AUTS2: variants seen among roughly 807,000 people sequenced by gnomAD.
The protein encoded by AUTS2 is activator of transcription and developmental regulator AUTS2, also known as autism susceptibility gene 2 protein.
AUTS2 carries 17 observed loss-of-function variants against 112.4 expected under a neutral mutation model. The ratio of observed to expected loss-of-function variants is 0.15; its 90% CI spans 0.10 to 0.23. The LOEUF is 0.23. Ranked by LOEUF, AUTS2 falls within the 10% of genes least tolerant of loss-of-function variation. The pLI is 1.00. For missense variants in AUTS2, 1,510 were observed against 1,701.6 expected, an observed-to-expected ratio of 0.89 and a Z score of 1.98; for synonymous variants, 751 against 702.7, an observed-to-expected ratio of 1.07 and a Z score of -1.09.
intron 4 of AUTS2, among the ~76,000 whole-genome samples, chr7:70,257,712 C>A (rs866797294): frequency 4.6e-5 from 7 of 151,694 alleles, no homozygotes; most frequent in Non-Finnish European, 7.4e-5. Context: ...CCCACCTTGG[C>A]CTCTCAAAGT....
intron 4 of AUTS2, among the ~76,000 whole-genome samples, chr7:70,241,803 T>C (rs565715881): frequency 3.3e-5 from 5 of 152,176 alleles, no homozygotes; most frequent in Non-Finnish European, 5.9e-5. Flanking sequence ...GCAATGTTGC[T>C]CTCTGAAAAA....
chr7:69,873,132 C>G (rs746872543), intron 1 of AUTS2, among the ~76,000 whole-genome samples: 19 of 152,088 alleles, frequency 1.2e-4, no homozygotes, highest in Non-Finnish European at 2.6e-4. Flanking sequence ...TAAAGAGACT[C>G]TCTTCTAATC....
intron 6 of AUTS2, among the ~76,000 whole-genome samples, chr7:70,724,172 G>A (rs968263265): frequency 2.0e-5 from 3 of 152,290 alleles, no homozygotes; most frequent in Admixed American, 1.3e-4. Flanking sequence ...GATTACAGGC[G>A]TGAGCCACCC....
intron 4 of AUTS2, among the ~76,000 whole-genome samples, chr7:70,253,504 A>G (rs1786707566): frequency 6.6e-6 from 1 of 152,036 alleles, no homozygotes; most frequent in Non-Finnish European, 1.5e-5. Flanking sequence ...TTTACTGTGA[A>G]TTGCTTATTT....
At chr7:70,663,161 G>A (rs985423845) in intron 5 of AUTS2, among the ~76,000 whole-genome samples, 4 of 152,186 alleles carry the variant, frequency 2.6e-5, no homozygotes, top group African/African-American at 4.8e-5. Context: ...TTGGGAGGCC[G>A]AGGCAGGCGG....
chr7:70,452,888 G>A (rs540747557), intron 5 of AUTS2, among the ~76,000 whole-genome samples: 32 of 152,214 alleles, frequency 2.1e-4, no homozygotes, highest in Middle Eastern at 3.4e-3. Context: ...CTCCACCTAA[G>A]CTCTGGTTTT....
intron 2 of AUTS2, among the ~76,000 whole-genome samples, chr7:70,096,001 G>T (rs187754422): frequency 6.6e-6 from 1 of 152,222 alleles, no homozygotes; most frequent in Non-Finnish European, 1.5e-5. Flanking sequence ...TAAGGATATT[G>T]TTATAACTTC....
intron 6 of AUTS2, among the ~76,000 whole-genome samples, chr7:70,760,505 T>A (rs1789503715): frequency 6.6e-6 from 1 of 152,224 alleles, no homozygotes; most frequent in African/African-American, 2.4e-5. Context: ...GGATCATGCA[T>A]ATGAAGCACG....
chr7:69,813,264 C>T (rs1352128823), intron 1 of AUTS2, among the ~76,000 whole-genome samples: 1 of 152,248 alleles, frequency 6.6e-6, no homozygotes. Flanking sequence ...ACTCTCACTT[C>T]CTTCAGGCCC....
intron 1 of AUTS2, among the ~76,000 whole-genome samples, chr7:69,711,015 C>T (rs1007016506): frequency 3.3e-5 from 5 of 152,060 alleles, no homozygotes; most frequent in Admixed American, 2.6e-4. Context: ...TCCTGCTCAC[C>T]CTTAGGAATG....
chr7:70,773,651 T>TA, intron 11 of AUTS2, among the ~76,000 whole-genome samples: 1 of 152,394 alleles, frequency 6.6e-6, no homozygotes, highest in East Asian at 1.9e-4. Context: ...AATGTTCACT[T>TA]AAGCGTTTCT....
intron 2 of AUTS2, among the ~76,000 whole-genome samples, chr7:69,941,999 T>G (rs957423505): frequency 6.6e-6 from 1 of 152,198 alleles, no homozygotes; most frequent in Non-Finnish European, 1.5e-5. Flanking sequence ...ACAGGAAGCA[T>G]GAGCCCTTCC....
chr7:70,018,819 T>C (rs1414643934), intron 2 of AUTS2, among the ~76,000 whole-genome samples: 5 of 152,206 alleles, frequency 3.3e-5, no homozygotes, highest in Non-Finnish European at 1.5e-5. Flanking sequence ...GGTAGGAATG[T>C]AAATTAATTC....
At chr7:70,086,694 A>G (rs181178968) in intron 2 of AUTS2, among the ~76,000 whole-genome samples, 56 of 151,946 alleles carry the variant, frequency 3.7e-4, no homozygotes, top group African/African-American at 1.3e-3. Flanking sequence ...ATATTTCACA[A>G]CCTTTGTCAG....
chr7:70,610,332 G>A (rs1804021553), intron 5 of AUTS2, among the ~76,000 whole-genome samples: 1 of 146,622 alleles, frequency 6.8e-6, no homozygotes, highest in Non-Finnish European at 1.5e-5. Context: ...CCTCCCTGTT[G>A]TTTTCCATAA....
chr7:69,776,872 G>A (rs552294466), intron 1 of AUTS2, among the ~76,000 whole-genome samples: 27 of 152,144 alleles, frequency 1.8e-4, no homozygotes, highest in African/African-American at 1.7e-4. Flanking sequence ...GAATACAACC[G>A]TGGAACCACA....
intron 5 of AUTS2, among the ~76,000 whole-genome samples, chr7:70,486,347 A>C (rs1390772247): frequency 6.6e-6 from 1 of 152,226 alleles, no homozygotes; most frequent in African/African-American, 2.4e-5. Context: ...TAGCCCTGTC[A>C]CCTAGGGACA....
intron 1 of AUTS2, among the ~76,000 whole-genome samples, chr7:69,716,875 G>C (rs1425354030): frequency 1.3e-5 from 2 of 152,104 alleles, no homozygotes; most frequent in African/African-American, 4.8e-5. Flanking sequence ...TATTACAAAG[G>C]ATACAGATAT....
At chr7:69,823,258 G>T (rs1791081868) in intron 1 of AUTS2, among the ~76,000 whole-genome samples, 1 of 152,234 alleles carries the variant, frequency 6.6e-6, no homozygotes, top group African/African-American at 2.4e-5. Flanking sequence ...CTGAGTGGAA[G>T]CTGCAGCTAC....
Sources: gnomAD v4.1 joint callset for allele counts (sites outside exome capture counted in the v4.1 genomes callset) on GRCh38, gnomAD v4.1.1 for gene constraint, MANE v1.5 for transcripts, NCBI Gene and HGNC (gene_info 2026-07-23, HGNC 2026-07-21) for gene names.